DENND2B: variants seen among roughly 807,000 people sequenced by gnomAD.
DENND2B encodes DENN domain containing 2B, also known as DENN domain-containing protein 2B.
DENND2B carries 32 observed loss-of-function variants against 116.0 expected under a neutral mutation model. The observed-to-expected ratio is 0.28, with a 90% CI of 0.21 to 0.37. DENND2B has a LOEUF of 0.37. Among genes scored for constraint, DENND2B ranks in the 10% least tolerant of loss-of-function variants. The pLI is 1.00. For missense variants in DENND2B, 1,276 were observed against 1,477.7 expected (o/e 0.86, Z 2.24); for synonymous variants, 588 against 583.9 (o/e 1.01, Z -0.10).
intron 2 of DENND2B, among the ~76,000 whole-genome samples, chr11:8,748,067 G>A (rs1451196034): frequency 2.0e-5 from 3 of 151,928 alleles, no homozygotes; most frequent in Non-Finnish European, 4.4e-5. Context: ...ATACAAATGC[G>A]TCTTAGAACC....
chr11:8,718,525 A>G, intron 4 of DENND2B: 16 of 1,443,462 alleles, frequency 1.1e-5, no homozygotes, highest in East Asian at 2.5e-5. Context: ...GGAAGTGTTC[A>G]GTAATGATCT....
At chr11:8,859,560 G>A (rs186189735) in intron 2 of DENND2B, among the ~76,000 whole-genome samples, 5 of 151,918 alleles carry the variant, frequency 3.3e-5, no homozygotes, top group South Asian at 2.1e-4. Flanking sequence ...CACCCGCCTC[G>A]GCCTCCCAAA....
At chr11:8,761,604 GCCC>G (rs917564063) in intron 1 of DENND2B, among the ~76,000 whole-genome samples, 12 of 152,020 alleles carry the variant, frequency 7.9e-5, no homozygotes, top group African/African-American at 2.7e-4. Context: ...AGTGTCCCTT[GCCC>G]CCCATTCTTT....
chr11:8,821,465 G>A (rs988574380), intron 4 of DENND2B, among the ~76,000 whole-genome samples: 2 of 151,566 alleles, frequency 1.3e-5, no homozygotes, highest in Admixed American at 6.6e-5. Flanking sequence ...TGTAGTCCCC[G>A]CTACACAGGA....
intron 1 of DENND2B, among the ~76,000 whole-genome samples, chr11:8,806,050 G>C (rs1332787032): frequency 6.6e-6 from 1 of 152,154 alleles, no homozygotes; most frequent in Non-Finnish European, 1.5e-5. Context: ...CTGCTAAATT[G>C]TGTAGGCCTC....
In DENND2B at chr11:8,707,048, C is replaced by A; in HGVS notation, c.2571+37G>T. ...CAGCATGGTCCTCCTGCCACCCCAGCCCGTAGCCCGAGAGAAGAGGGTGCA... is the reference window on the plus strand; with the variant it reads ...CAGCATGGTCCTCCTGCCACCCCAGACCGTAGCCCGAGAGAAGAGGGTGCA... On this transcript the variant is annotated intron_variant, in intron 13 of 19. Transcript: ENST00000313726. The surrounding 1 kb of genome is among the most constrained non-coding windows in gnomAD (Gnocchi z 4.8). 1.3e-6 allele frequency: 2 copies of A among 1,592,936 alleles called. No individual in the cohort carries two copies. The highest frequency in any genetic ancestry group is 1.1e-5 in the South Asian group (1 of 87,118).
At chr11:8,793,573 A>G (rs971273630) in intron 1 of DENND2B, among the ~76,000 whole-genome samples, 8 of 152,174 alleles carry the variant, frequency 5.3e-5, no homozygotes, top group Admixed American at 5.2e-4. Flanking sequence ...GTGTTTATAC[A>G]TTTTCTTTGC....
chr11:8,785,060 G>A (rs1040904604), intron 1 of DENND2B: 13 of 152,136 alleles, frequency 8.5e-5, no homozygotes, highest in African/African-American at 3.1e-4. Context: ...GCCGCCACAT[G>A]GTAGAGTAGT....
chr11:8,827,312 C>G (rs945711340), intron 4 of DENND2B, among the ~76,000 whole-genome samples: 39 of 152,298 alleles, frequency 2.6e-4, no homozygotes, highest in South Asian at 8.3e-4. Context: ...CTAGTGCCAG[C>G]AGAACACTCC....
At chr11:8,699,128 A>G in intron 15 of DENND2B, 85 bp downstream of exon 15, 1 of 1,510,168 alleles carries the variant, frequency 6.6e-7, no homozygotes, top group Non-Finnish European at 8.9e-7. Context: ...AGAGCCTGGT[A>G]AAGAGGCCGA....
intron 19 of DENND2B, among the ~76,000 whole-genome samples, 200 bp downstream of exon 19, chr11:8,695,263 T>C (rs1303030955): frequency 4.6e-5 from 7 of 152,172 alleles, no homozygotes; most frequent in East Asian, 1.9e-4. Flanking sequence ...CCCACAGATA[T>C]TGAAGGACCA....
upstream of DENND2B, among the ~76,000 whole-genome samples, chr11:8,872,495 A>AAG (rs1555220169): frequency 6.6e-6 from 1 of 151,394 alleles, no homozygotes; most frequent in Non-Finnish European, 1.5e-5. Flanking sequence ...TAAAAAAAAA[A>AAG]AAAAAAAGAA....
chr11:8,817,853 T>C (rs983942311), intron 4 of DENND2B, among the ~76,000 whole-genome samples: 11 of 152,072 alleles, frequency 7.2e-5, no homozygotes, highest in African/African-American at 2.7e-4. Flanking sequence ...CTGTCCCTTA[T>C]TAAGTCGGAG....
At chr11:8,715,982 G>C in intron 5 of DENND2B, among the ~76,000 whole-genome samples, 164 bp from the exon 6 acceptor site, 1 of 152,218 alleles carries the variant, frequency 6.6e-6, no homozygotes, top group African/African-American at 2.4e-5. Context: ...CTGCTAATCA[G>C]CCAGGTCAGG....
At chr11:8,789,381 G>C (rs1184525209) in intron 1 of DENND2B, among the ~76,000 whole-genome samples, 1 of 152,108 alleles carries the variant, frequency 6.6e-6, no homozygotes, top group Non-Finnish European at 1.5e-5. Flanking sequence ...AAGATTAATG[G>C]GGAACAATGC....
intron 4 of DENND2B, among the ~76,000 whole-genome samples, chr11:8,819,636 T>TTA (rs2061692130): frequency 2.0e-5 from 3 of 152,230 alleles, no homozygotes; most frequent in Non-Finnish European, 4.4e-5. Context: ...CCCAAATCCA[T>TTA]GACCTTGATC....
At chr11:8,728,437 T>C (rs2047510000) in intron 3 of DENND2B, among the ~76,000 whole-genome samples, 1 of 152,244 alleles carries the variant, frequency 6.6e-6, no homozygotes, top group Non-Finnish European at 1.5e-5. Flanking sequence ...ACTGCACTTC[T>C]GGAACTGTTT....
chr11:8,736,116 G>T (rs1350648750), intron 2 of DENND2B, among the ~76,000 whole-genome samples: 1 of 152,178 alleles, frequency 6.6e-6, no homozygotes, highest in Non-Finnish European at 1.5e-5. Flanking sequence ...AGCCTTCTCT[G>T]CATCTGAACG....
At chr11:8,837,152 T>C (rs1247271260) in intron 4 of DENND2B, among the ~76,000 whole-genome samples, 1 of 150,348 alleles carries the variant, frequency 6.7e-6, no homozygotes, top group African/African-American at 2.4e-5. Flanking sequence ...AAAAAAAAAG[T>C]CTAAACTATG....
Sources: allele counts gnomAD v4.1 joint callset (sites outside exome capture counted in the v4.1 genomes callset), GRCh38; gene constraint gnomAD v4.1.1; non-coding constraint Gnocchi (gnomAD v3.1); transcripts MANE v1.5; gene names NCBI Gene and HGNC (gene_info 2026-07-23, HGNC 2026-07-21).